PCDHA6: variants seen among roughly 807,000 people sequenced by gnomAD.
PCDHA6 encodes the protein protocadherin alpha 6.
PCDHA6 carries 55 observed loss-of-function variants against 60.3 expected under a neutral mutation model. The ratio of observed to expected loss-of-function variants is 0.91; its 90% confidence interval spans 0.73 to 1.14. The LOEUF (loss-of-function observed/expected upper bound fraction) is 1.14. Ranked by LOEUF, PCDHA6 falls within the 50% of genes most tolerant of loss-of-function variation. The pLI, the probability that PCDHA6 is intolerant of heterozygous loss-of-function variation, is 0.00. For synonymous variants in PCDHA6, 652 were observed against 557.9 expected (o/e 1.17, Z -2.38); for missense variants, 1,327 against 1,256.5 (o/e 1.06, Z -0.85).
chr5:140,965,316 T>C (rs1411473254), intron 1 of PCDHA6, among the ~76,000 whole-genome samples: 2 of 152,200 alleles, frequency 1.3e-5, no homozygotes, highest in Admixed American at 6.5e-5. Context: ...CCTTCTCTTT[T>C]ACTGAAGTGA....
chr5:140,911,485 A>G (rs1387982810), intron 1 of PCDHA6, among the ~76,000 whole-genome samples: 1 of 152,152 alleles, frequency 6.6e-6, no homozygotes, highest in East Asian at 1.9e-4. Context: ...ACTCAGGGCA[A>G]TCTTAGCAGG....
chr5:140,848,256 A>T, intron 1 of PCDHA6: 1 of 476,798 alleles, frequency 2.1e-6, no homozygotes, highest in Admixed American at 3.8e-5. Context: ...ATAACTGTGA[A>T]ATTTTTATTC....
intron 1 of PCDHA6, chr5:140,842,506 C>T: frequency 6.2e-7 from 1 of 1,613,804 alleles, no homozygotes; most frequent in South Asian, 1.1e-5. Context: ...ATGTCCCCTT[C>T]AAGCTGGTGT....
At chr5:140,883,406 G>T (rs782181791) in intron 1 of PCDHA6, 3 of 1,614,156 alleles carry the variant, frequency 1.9e-6, no homozygotes, top group Non-Finnish European at 1.7e-6. Context: ...TCGTGACTCT[G>T]GCTCAAATGG....
intron 3 of PCDHA6, among the ~76,000 whole-genome samples, chr5:140,990,780 GACGATGA>G (rs1554251732): frequency 6.6e-6 from 1 of 152,192 alleles, no homozygotes; most frequent in Non-Finnish European, 1.5e-5. Flanking sequence ...CTCTGTGTTG[GACGATGA>G]ACCATGGAAT....
chr5:140,842,746 C>G (rs2150343486), intron 1 of PCDHA6: 2 of 1,595,086 alleles, frequency 1.3e-6, no homozygotes, highest in Non-Finnish European at 1.7e-6. Context: ...GCCACATCTT[C>G]ACGGTGTCTG....
chr5:140,884,947 C>CA (rs2060414559), intron 1 of PCDHA6, among the ~76,000 whole-genome samples: 1 of 152,090 alleles, frequency 6.6e-6, no homozygotes, highest in Non-Finnish European at 1.5e-5. Context: ...TGAGCATTTA[C>CA]AAAAAATTCC....
intron 1 of PCDHA6, chr5:140,849,320 G>A (rs1562454724): frequency 1.5e-6 from 2 of 1,335,992 alleles, no homozygotes; most frequent in East Asian, 2.4e-5. Context: ...GCTTGAATGG[G>A]GATATTATTT....
chr5:140,835,865 G>T, intron 1 of PCDHA6: 1 of 1,612,146 alleles, frequency 6.2e-7, no homozygotes. Flanking sequence ...CCTACTCGCT[G>T]GTGGAGCTGC....
intron 1 of PCDHA6, among the ~76,000 whole-genome samples, chr5:140,951,082 CTTT>C (rs573059224): frequency 6.6e-6 from 1 of 151,404 alleles, no homozygotes; most frequent in African/African-American, 2.4e-5. Flanking sequence ...TTATATTTTC[CTTT>C]TTTTCTGATA....
chr5:140,871,269 G>T, intron 1 of PCDHA6: 3 of 1,613,952 alleles, frequency 1.9e-6, no homozygotes, highest in Non-Finnish European at 2.5e-6. Context: ...CGCTGTGGTG[G>T]TCGGCAACGC....
At chr5:140,850,677 A>G (rs2150493410) in intron 1 of PCDHA6, 1 of 1,598,454 alleles carries the variant, frequency 6.3e-7, no homozygotes. Flanking sequence ...GGCGATGCCC[A>G]CCGAGGGCGA....
intron 1 of PCDHA6, chr5:140,859,924 T>C (rs1554152837): frequency 6.6e-6 from 1 of 151,964 alleles, no homozygotes; most frequent in African/African-American, 2.4e-5. Flanking sequence ...ATAAGTAATA[T>C]AAAAAACTTA....
At chr5:140,838,079 T>TATA (rs1775498021) in intron 1 of PCDHA6, among the ~76,000 whole-genome samples, 4 of 6,872 alleles carry the variant, frequency 5.8e-4, no homozygotes, top group African/African-American at 2.3e-3. Context: ...ATATATATAG[T>TATA]GTGTGTGTGT....
intron 1 of PCDHA6, among the ~76,000 whole-genome samples, chr5:140,944,016 A>G (rs2093596830): frequency 6.6e-6 from 1 of 152,182 alleles, no homozygotes; most frequent in Non-Finnish European, 1.5e-5. Flanking sequence ...CCCAAAAGCA[A>G]TTATCTTCAA....
At chr5:140,951,312 A>G (rs1316911878) in intron 1 of PCDHA6, among the ~76,000 whole-genome samples, 1 of 152,146 alleles carries the variant, frequency 6.6e-6, no homozygotes, top group Non-Finnish European at 1.5e-5. Flanking sequence ...TTAATGTGTT[A>G]TTCTTGAGAT....
chr5:140,858,904 C>A (rs2045655579), intron 1 of PCDHA6: 1 of 197,854 alleles, frequency 5.1e-6, no homozygotes, highest in East Asian at 1.5e-4. Context: ...TGTAGCGTAC[C>A]ACAGCTTATA....
In PCDHA6 at chr5:140,840,083, C is replaced by G. The variant is rs2150303181; in HGVS notation, c.2394+9598C>G. Among the ~76,000 whole-genome samples, 6 of 151,974 alleles carry G rather than the reference C, an allele frequency of 3.9e-5. No individual in the cohort carries two copies. The East Asian group carries it at 7.7e-4, about 20-fold the overall frequency. On this transcript the variant is annotated intron_variant, in intron 1 of 3. Coordinates refer to ENST00000529310, the MANE Select transcript of PCDHA6 (RefSeq NM_018909.4). The stretch of plus-strand genomic sequence containing the variant: ...GACAATTAGTCAATAGAAAGATAAA[C>G]TTGTTGAAGATTTTAGTGAAATCGA...
chr5:140,969,037 C>T (rs1554231375), intron 1 of PCDHA6: 1 of 1,614,158 alleles, frequency 6.2e-7, no homozygotes, highest in South Asian at 1.1e-5. Flanking sequence ...CAGAACTGTA[C>T]AAACAAGCCA....
Sources: gnomAD v4.1 joint callset for allele counts (sites outside exome capture counted in the v4.1 genomes callset) on GRCh38, gnomAD v4.1.1 for gene constraint, MANE v1.5 for transcripts, NCBI Gene and HGNC (gene_info 2026-07-23, HGNC 2026-07-21) for gene names.